GTF2A2: variants seen among roughly 807,000 people sequenced by gnomAD.
GTF2A2 encodes transcription initiation factor IIA subunit 2.
Under a neutral mutation model 14.3 loss-of-function variants are expected in GTF2A2, and 9 were observed. The ratio of observed to expected loss-of-function variants is 0.63; its 90% CI spans 0.38 to 1.10. GTF2A2 has a LOEUF of 1.10. Ranked by LOEUF, GTF2A2 falls within the 50% of genes least tolerant of loss-of-function variation. The pLI is 0.01. For missense variants in GTF2A2, 90 were observed against 124.6 expected, an observed-to-expected ratio of 0.72 and a Z score of 1.32; for synonymous variants, 56 against 46.0, an observed-to-expected ratio of 1.22 and a Z score of -0.88.
chr15:59,639,570 C>A (rs868232643), intron 4 of GTF2A2, among the ~76,000 whole-genome samples: 1 of 149,916 alleles, frequency 6.7e-6, no homozygotes, highest in African/African-American at 2.5e-5. Context: ...TCACGCCATT[C>A]TCCTGCCTCA....
At position 59,638,900 on chromosome 15, in the gene GTF2A2, C is replaced by CTTAGGAAGGCAACAACTT. The variant is rs1891278628; in HGVS notation, c.*214_*231dup. ...TAAAATGAGTTTATTAAAGAAGGTT[C>CTTAGGAAGGCAACAACTT]TTAGGAAGGCAACAACTTTTGTCCT... On this transcript the variant is annotated 3_prime_UTR_variant, in exon 5 of 5. Coordinates refer to ENST00000396060, the MANE Select transcript of GTF2A2 (RefSeq NM_004492.3). 2.3e-6 allele frequency: 1 copy of CTTAGGAAGGCAACAACTT among 441,256 alleles called. No homozygotes were observed. The highest frequency in any genetic ancestry group is 4.1e-6 in the Non-Finnish European group (1 of 243,822). 27.3% of individuals were successfully genotyped at this position (441,256 alleles called of 1,614,324 possible). A position where few individuals can be genotyped will look rare whatever the true frequency, so the allele number is the denominator to read the frequency against.
chr15:59,643,596 T>C (rs1270754344), intron 3 of GTF2A2, among the ~76,000 whole-genome samples: 1 of 24,108 alleles, frequency 4.1e-5, no homozygotes, highest in Admixed American at 5.1e-4. Context: ...AAATTTTTAC[T>C]TTTTTTTTTT....
chr15:59,642,354 C>A (rs754038295), intron 3 of GTF2A2, 92 bp from the exon 4 acceptor site: 1 of 1,126,584 alleles, frequency 8.9e-7, no homozygotes. Flanking sequence ...CTACCAAGAA[C>A]ATAATAAGTT....
At chr15:59,647,290 G>C (rs1378740326) in intron 3 of GTF2A2, among the ~76,000 whole-genome samples, 1 of 151,916 alleles carries the variant, frequency 6.6e-6, no homozygotes, top group African/African-American at 2.4e-5. Context: ...GTAGGGACAG[G>C]GTTTCACTAT....
chr15:59,639,114 A>C lies in GTF2A2; in HGVS notation c.*18T>G. 1 of 1,373,684 alleles carries C rather than the reference A, an allele frequency of 7.3e-7. No individual in the cohort carries two copies. Among genetic ancestry groups the C allele is most frequent in the African/African-American group, 1.4e-5 (1 of 69,278 alleles). 85.1% of individuals were successfully genotyped at this position (1,373,684 alleles called of 1,614,324 possible). On this transcript the variant is annotated 3_prime_UTR_variant, in exon 5 of 5. Transcript: ENST00000396060. ...ATGAATAACAGAAGATGGTGTAAAA[A>C]AGTCATATTTTTTCTATTCATTCTG...
intron 3 of GTF2A2, among the ~76,000 whole-genome samples, chr15:59,649,603 TG>T (rs1345493054): frequency 6.6e-6 from 1 of 152,206 alleles, no homozygotes; most frequent in African/African-American, 2.4e-5. Flanking sequence ...ATGGATCCAC[TG>T]GTCAAATTAT....
chr15:59,642,334 G>A (rs1163522429), intron 3 of GTF2A2, 72 bp from the exon 4 acceptor site: 19 of 1,349,556 alleles, frequency 1.4e-5, no homozygotes, highest in Non-Finnish European at 1.9e-5. Context: ...AGCAATTTAA[G>A]AGATCTTAGC....
In GTF2A2 at chr15:59,642,380, G is replaced by C; in HGVS notation, c.178-118C>G. 6.0e-6 allele frequency: 5 copies of C among 835,516 alleles called. No homozygotes were observed. The South Asian group carries it at 1.8e-4, about 29-fold the overall frequency. The allele number at this position is 835,516 out of a possible 1,614,324, so 51.8% of individuals were successfully genotyped here. The stretch of plus-strand genomic sequence containing the variant: ...ATAATAAGTTTAATGCTTAGCTTAA[G>C]ATTTTCCTTAACTTTAATCCTAGCT... On this transcript the variant is annotated intron_variant, in intron 3 of 4. Coordinates refer to ENST00000396060, the MANE Select transcript of GTF2A2 (RefSeq NM_004492.3).
At chr15:59,651,335 A>T (rs1891786499) in intron 2 of GTF2A2, 1 of 152,202 alleles carries the variant, frequency 6.6e-6, no homozygotes, top group Admixed American at 6.6e-5. Context: ...GTGCCACCAC[A>T]CCCAGCTAAT....
rs146547567 is a variant in GTF2A2 at position 59,653,938 on chromosome 15, C to A, written c.-49-1612G>T. On this transcript the variant is annotated intron_variant, in intron 1 of 4. Coordinates refer to ENST00000396060, the MANE Select transcript of GTF2A2 (RefSeq NM_004492.3). Reference sequence around the variant, plus strand: ...ACCTGGCATCCAATCCATCAGCCAACCTTTCAGCTCGTCCTTCTAACTATA... The same window carrying A: ...ACCTGGCATCCAATCCATCAGCCAAACTTTCAGCTCGTCCTTCTAACTATA... 1.9e-3 allele frequency among the ~76,000 whole-genome samples: 288 copies of A among 152,284 alleles called. 1 individual carries two copies. Among genetic ancestry groups the A allele is most frequent in the African/African-American group, 6.6e-3 (274 of 41,552 alleles).
chr15:59,639,464 A>ATTTTTTT (rs10643204), intron 4 of GTF2A2, among the ~76,000 whole-genome samples: 1 of 142,580 alleles, frequency 7.0e-6, no homozygotes, highest in East Asian at 2.0e-4. Flanking sequence ...ACTGTCCCAA[A>ATTTTTTT]TTTTTTTTTT....
intron 3 of GTF2A2, among the ~76,000 whole-genome samples, chr15:59,644,704 C>T (rs1891545460): frequency 6.6e-6 from 1 of 152,044 alleles, no homozygotes; most frequent in Non-Finnish European, 1.5e-5. Flanking sequence ...AAGTTGAGTC[C>T]TAAAGAATAA....
chr15:59,646,693 C>G (rs1336204336), intron 3 of GTF2A2, among the ~76,000 whole-genome samples: 2 of 152,060 alleles, frequency 1.3e-5, no homozygotes, highest in Non-Finnish European at 2.9e-5. Context: ...TGCTACAAAA[C>G]TTGACTGAAA....
chr15:59,645,773 C>T (rs1220783022), intron 3 of GTF2A2, among the ~76,000 whole-genome samples: 1 of 152,058 alleles, frequency 6.6e-6, no homozygotes, highest in Admixed American at 6.5e-5. Flanking sequence ...TGGTGGCTCA[C>T]ACCTGTAATC....
intron 1 of GTF2A2, among the ~76,000 whole-genome samples, chr15:59,655,473 C>G (rs1166286401): frequency 6.6e-6 from 1 of 152,224 alleles, no homozygotes; most frequent in Non-Finnish European, 1.5e-5. Flanking sequence ...CCTCCTCTTT[C>G]GTACAGGATC....
intron 3 of GTF2A2, 146 bp from the exon 4 acceptor site, chr15:59,642,408 TAA>T: frequency 1.6e-6 from 1 of 611,728 alleles, no homozygotes; most frequent in Non-Finnish European, 2.5e-6. Flanking sequence ...TCCTAGCTAT[TAA>T]AAAAACAACC....
chr15:59,641,188 T>C (rs1410115961), intron 4 of GTF2A2, among the ~76,000 whole-genome samples: 6 of 100,946 alleles, frequency 5.9e-5, no homozygotes, highest in African/African-American at 2.2e-4. Context: ...ACTCTTTTTT[T>C]TTTTTTTTTT....
intron 1 of GTF2A2, among the ~76,000 whole-genome samples, chr15:59,655,185 A>G (rs552992636): frequency 2.6e-5 from 4 of 152,184 alleles, no homozygotes; most frequent in Admixed American, 6.5e-5. Context: ...TAGCAAACAC[A>G]TAGGTGGCTA....
chr15:59,641,198 T>C (rs1223415518), intron 4 of GTF2A2, among the ~76,000 whole-genome samples: 2 of 68,560 alleles, frequency 2.9e-5, no homozygotes, highest in Non-Finnish European at 7.2e-5. Flanking sequence ...TTTTTTTTTT[T>C]TTAAGGCTTA....
Sources: allele counts gnomAD v4.1 joint callset (sites outside exome capture counted in the v4.1 genomes callset), GRCh38; gene constraint gnomAD v4.1.1; transcripts MANE v1.5; gene names NCBI Gene and HGNC (gene_info 2026-07-23, HGNC 2026-07-21).